The following AIMP2 variants were observed in gnomAD, a reference collection of about 807,000 sequenced individuals.
AIMP2 encodes aminoacyl tRNA synthase complex-interacting multifunctional protein 2.
Under a neutral mutation model 23.4 loss-of-function variants are expected in AIMP2, and 20 were observed. The ratio of observed to expected loss-of-function variants is 0.85; its 90% CI spans 0.60 to 1.24. AIMP2 has a LOEUF of 1.24. AIMP2 is among the 50% of genes most tolerant of loss of function. AIMP2 has a pLI of 0.00. For missense variants in AIMP2, 515 were observed against 414.5 expected (o/e 1.24, Z -2.10); for synonymous variants, 210 against 170.4 (o/e 1.23, Z -1.81).
In AIMP2 at chr7:6,009,722, G is replaced by A. The variant is rs1165898951; in HGVS notation, c.135+224G>A. On this transcript the variant is annotated intron_variant, in intron 1 of 3. Transcript: ENST00000223029. ...TCCCAGCACTTTGGGAGGCCGAGGC[G>A]GGCGGATCACCTGAGGTCAGGAGTT... Among the ~76,000 whole-genome samples, 97 of 151,624 alleles carry A rather than the reference G, an allele frequency of 6.4e-4. 1 individual carries two copies. Among genetic ancestry groups the A allele is most frequent in the African/African-American group, 2.3e-3 (95 of 41,418 alleles).
chr7:6,019,185 C>G (rs1787226841), intron 3 of AIMP2, among the ~76,000 whole-genome samples: 1 of 152,012 alleles, frequency 6.6e-6, no homozygotes, highest in Non-Finnish European at 1.5e-5. Context: ...TCGGTGTGAG[C>G]AGCTAATTCA....
intron 1 of AIMP2, among the ~76,000 whole-genome samples, chr7:6,013,763 C>T (rs1311012268): frequency 1.3e-5 from 2 of 152,018 alleles, no homozygotes; most frequent in Admixed American, 6.6e-5. Context: ...GCCTGAGCAA[C>T]ATAGCGCAGT....
intron 3 of AIMP2, among the ~76,000 whole-genome samples, chr7:6,019,484 CA>C (rs71008351): frequency 0.54 from 60,153 of 111,716 alleles, 15,231 homozygotes; most frequent in East Asian, 0.77. Context: ...GACTCCGTCT[CA>C]AAAAAAAAAA....
At chr7:6,016,541 A>G (rs1787040168) in intron 2 of AIMP2, among the ~76,000 whole-genome samples, 1 of 152,152 alleles carries the variant, frequency 6.6e-6, no homozygotes, top group Admixed American at 6.5e-5. Context: ...CCAGGCCCTC[A>G]GGGAGCCGGA....
chr7:6,013,923 C>T (rs369401235), intron 1 of AIMP2, among the ~76,000 whole-genome samples: 2 of 151,742 alleles, frequency 1.3e-5, no homozygotes, highest in African/African-American at 4.8e-5. Context: ...TGCACTCCAG[C>T]CTGGGCAATA....
At chr7:6,019,994 C>G (rs1398684052) in intron 3 of AIMP2, among the ~76,000 whole-genome samples, 2 of 146,506 alleles carry the variant, frequency 1.4e-5, no homozygotes, top group Non-Finnish European at 3.0e-5. Context: ...TGCATTCCAG[C>G]CTGGCGACAG....
At chr7:6,022,782 C>T (rs554689095) in intron 3 of AIMP2, 3 of 152,964 alleles carry the variant, frequency 2.0e-5, no homozygotes, top group African/African-American at 7.2e-5. Context: ...CATTCAAGAA[C>T]TTACCATCAT....
intron 3 of AIMP2, among the ~76,000 whole-genome samples, chr7:6,021,359 AGAG>A (rs796533941): frequency 2.0e-5 from 3 of 150,716 alleles, no homozygotes; most frequent in Non-Finnish European, 2.9e-5. Context: ...AAAAAAAAAA[AGAG>A]AACCCTGATT....
At chr7:6,018,424 A>G (rs1787168796) in intron 3 of AIMP2, among the ~76,000 whole-genome samples, 2 of 151,438 alleles carry the variant, frequency 1.3e-5, no homozygotes, top group South Asian at 4.2e-4. Context: ...CTGGGATTAC[A>G]GGCGTGAGCC....
intron 3 of AIMP2, among the ~76,000 whole-genome samples, chr7:6,020,262 G>C (rs1248762434): frequency 6.6e-6 from 1 of 151,772 alleles, no homozygotes; most frequent in Non-Finnish European, 1.5e-5. Flanking sequence ...CTCTATTAAA[G>C]GCACAAAAAT....
intron 1 of AIMP2, 126 bp from the exon 2 acceptor site, chr7:6,015,020 C>T (rs1786933208): frequency 3.9e-6 from 6 of 1,546,010 alleles, no homozygotes; most frequent in Non-Finnish European, 5.2e-6. Context: ...ACACCCAGCC[C>T]ATAATGTCTT....
At chr7:6,018,763 G>A (rs1787193694) in intron 3 of AIMP2, among the ~76,000 whole-genome samples, 1 of 151,938 alleles carries the variant, frequency 6.6e-6, no homozygotes, top group South Asian at 2.1e-4. Flanking sequence ...GAACCCAGGA[G>A]GTGGAGGTTG....
intron 2 of AIMP2, 84 bp from the exon 3 acceptor site, chr7:6,017,730 C>A: frequency 7.9e-7 from 1 of 1,258,440 alleles, no homozygotes; most frequent in African/African-American, 1.5e-5. Flanking sequence ...GTTAGATAAC[C>A]CTGGTTAGGT....
Position 6,017,983 on chromosome 7 carries a change from A to G in AIMP2, c.512A>G (p.Glu171Gly). ...VPENLLKCFGEQNKKQPRQDY... is the reference protein window; with the variant it reads ...VPENLLKCFGGQNKKQPRQDY... ...GAAAACCTTCTCAAGTGCTTTGGAG[A>G]ACAGAATAAAAAACAGCCCCGCCAA... The change falls in exon 3 of 4, where the codon GAA (glutamate) becomes GGA (glycine). Residue 171 changes from glutamate (E) to glycine (G), a missense_variant. Coordinates refer to ENST00000223029, the MANE Select transcript of AIMP2 (RefSeq NM_006303.4). 6.2e-7 allele frequency: 1 copy of G among 1,613,954 alleles called. No homozygotes were observed. The highest frequency in any genetic ancestry group is 8.5e-7 in the Non-Finnish European group (1 of 1,179,984).
Position 6,009,403 on chromosome 7 carries a change from G to C in AIMP2, c.40G>C (p.Ala14Pro). The C allele has an allele frequency of 1.2e-6, 2 of 1,611,616 alleles. No homozygotes were observed. Among genetic ancestry groups the C allele is most frequent in the Non-Finnish European group, 1.7e-6 (2 of 1,179,988 alleles). The change falls in exon 1 of 4, where the codon GCG becomes CCG. Residue 14 changes from alanine to proline, a missense_variant. Coordinates refer to ENST00000223029, the MANE Select transcript of AIMP2 (RefSeq NM_006303.4). ...GGTAAAGCCCTATCACGGGGGCGGC[G>C]CGCCTCTCCGTGTGGAGCTTCCCAC... ...YQVKPYHGGG[A>P]PLRVELPTCM...
At chr7:6,022,994 G>C (rs568080801) in intron 3 of AIMP2, 9 of 284,508 alleles carry the variant, frequency 3.2e-5, no homozygotes, top group Admixed American at 4.7e-5. Flanking sequence ...TGGGTTTCCA[G>C]CCCTCAGCCC....
intron 1 of AIMP2, among the ~76,000 whole-genome samples, chr7:6,009,945 A>G (rs1392104860): frequency 3.1e-4 from 26 of 84,882 alleles, no homozygotes; most frequent in African/African-American, 1.3e-3. Context: ...GCTAAACTCT[A>G]TCTCAAAAAA....
At chr7:6,011,424 A>T (rs1786682652) in intron 1 of AIMP2, among the ~76,000 whole-genome samples, 1 of 152,004 alleles carries the variant, frequency 6.6e-6, no homozygotes, top group Non-Finnish European at 1.5e-5. Flanking sequence ...GGCCGCTGTG[A>T]TTGTGCTTTT....
At chr7:6,018,356 G>T (rs1466719695) in intron 3 of AIMP2, among the ~76,000 whole-genome samples, 4 of 149,916 alleles carry the variant, frequency 2.7e-5, no homozygotes, top group Non-Finnish European at 5.9e-5. Flanking sequence ...CACTATATTG[G>T]TCAGGCTGGT....
Sources: gnomAD v4.1 joint callset for allele counts (sites outside exome capture counted in the v4.1 genomes callset) on GRCh38, gnomAD v4.1.1 for gene constraint, MANE v1.5 for transcripts, NCBI Gene and HGNC (gene_info 2026-07-23, HGNC 2026-07-21) for gene names.